THSD4: variants seen among roughly 807,000 people sequenced by gnomAD.
THSD4 encodes thrombospondin type 1 domain containing 4, also known as thrombospondin type-1 domain-containing protein 4.
Under a neutral mutation model 119.0 loss-of-function variants are expected in THSD4, and 69 were observed. That is an observed-to-expected ratio of 0.58 (90% CI 0.48 to 0.71). The LOEUF (loss-of-function observed/expected upper bound fraction) is 0.71. THSD4 is among the 30% of genes least tolerant of loss of function. The probability of loss-of-function intolerance (pLI) is 0.00; values close to 1 mark genes in which losing one functional copy is unlikely to be tolerated. For missense variants in THSD4, 1,393 were observed against 1,391.1 expected, an observed-to-expected ratio of 1.00 and a Z score of -0.02; for synonymous variants, 524 against 540.4, an observed-to-expected ratio of 0.97 and a Z score of 0.42.
At chr15:71,393,889 C>T (rs2046410279) in intron 6 of THSD4, among the ~76,000 whole-genome samples, 1 of 152,080 alleles carries the variant, frequency 6.6e-6, no homozygotes, top group Non-Finnish European at 1.5e-5. Flanking sequence ...AGTCTTCCTG[C>T]TCCAAGGTTC....
At chr15:71,361,915 A>G (rs1303592365) in intron 6 of THSD4, among the ~76,000 whole-genome samples, 1 of 152,254 alleles carries the variant, frequency 6.6e-6, no homozygotes, top group Non-Finnish European at 1.5e-5. Context: ...AAATAAATAT[A>G]CATACATATT....
At chr15:71,487,063 C>A (rs2047833747) in intron 7 of THSD4, among the ~76,000 whole-genome samples, 1 of 152,156 alleles carries the variant, frequency 6.6e-6, no homozygotes, top group Non-Finnish European at 1.5e-5. Flanking sequence ...ATTAAAACTG[C>A]ATTAAAATCC....
In THSD4 at chr15:71,747,495, C is replaced by T. The variant is rs188143770; in HGVS notation, c.2241+453C>T. 5.9e-5 allele frequency among the ~76,000 whole-genome samples: 9 copies of T among 152,314 alleles called. No homozygotes were observed. In the South Asian group the frequency reaches 1.0e-3, roughly 18 times the overall value. ...CAATGTAAGGATCAGCCCAAGAAGA[C>T]ACACGAACAACGTTGGACATGTTCC... is the stretch of plus-strand genomic sequence containing the variant. On this transcript the variant is annotated intron_variant, in intron 13 of 17. Coordinates refer to ENST00000261862, the MANE Select transcript of THSD4 (RefSeq NM_024817.3).
At chr15:71,466,157 G>A (rs1194833798) in intron 7 of THSD4, among the ~76,000 whole-genome samples, 1 of 151,948 alleles carries the variant, frequency 6.6e-6, no homozygotes, top group Non-Finnish European at 1.5e-5. Flanking sequence ...AGACCATCCT[G>A]GCTAACATGG....
At chr15:71,328,799 G>T (rs1269070488) in intron 6 of THSD4, among the ~76,000 whole-genome samples, 2 of 152,182 alleles carry the variant, frequency 1.3e-5, no homozygotes, top group Non-Finnish European at 2.9e-5. Flanking sequence ...AAAAGTTATG[G>T]CCCTCTGCAG....
intron 6 of THSD4, among the ~76,000 whole-genome samples, chr15:71,374,286 A>G (rs1026456560): frequency 1.3e-5 from 2 of 152,188 alleles, no homozygotes; most frequent in African/African-American, 2.4e-5. Flanking sequence ...CATGAAGTCG[A>G]TATCTTCATT....
chr15:71,198,072 T>C (rs34611317), intron 3 of THSD4, among the ~76,000 whole-genome samples: 28,229 of 152,038 alleles, frequency 0.19, 3,170 homozygotes, highest in East Asian at 0.54. Context: ...CTGGACAATA[T>C]AGTGAGACCC....
At chr15:71,123,763 G>A (rs751428043) in intron 1 of THSD4, among the ~76,000 whole-genome samples, 10 of 152,190 alleles carry the variant, frequency 6.6e-5, no homozygotes, top group Non-Finnish European at 1.0e-4. Flanking sequence ...GGAAGAGGGA[G>A]AAAGGAAGTA....
At chr15:71,338,053 A>G (rs757255623) in intron 6 of THSD4, among the ~76,000 whole-genome samples, 2 of 152,202 alleles carry the variant, frequency 1.3e-5, no homozygotes, top group Admixed American at 6.5e-5. Flanking sequence ...TCCCTGTTCT[A>G]TCATTAAACT....
At chr15:71,326,688 A>T (rs1323807983) in intron 6 of THSD4, among the ~76,000 whole-genome samples, 2 of 20,150 alleles carry the variant, frequency 9.9e-5, no homozygotes, top group African/African-American at 1.8e-4. Flanking sequence ...AAAAAAAAAA[A>T]AAAAAAAAAA....
At chr15:71,134,203 G>A (rs1424665979) in intron 1 of THSD4, among the ~76,000 whole-genome samples, 1 of 152,246 alleles carries the variant, frequency 6.6e-6, no homozygotes, top group African/African-American at 2.4e-5. Context: ...CCAAGGACAT[G>A]TTGGGGGAAC....
At chr15:71,565,933 C>T (rs1315441583) in intron 7 of THSD4, among the ~76,000 whole-genome samples, 1 of 152,082 alleles carries the variant, frequency 6.6e-6, no homozygotes. Context: ...TCTCTATGAC[C>T]TCATGAAGGA....
At chr15:71,406,423 A>G (rs1391093972) in intron 6 of THSD4, among the ~76,000 whole-genome samples, 1 of 152,116 alleles carries the variant, frequency 6.6e-6, no homozygotes, top group Non-Finnish European at 1.5e-5. Flanking sequence ...TCTTCTATAG[A>G]TGTCTCAGTC....
intron 6 of THSD4, among the ~76,000 whole-genome samples, chr15:71,389,560 T>C (rs772471601): frequency 6.6e-6 from 1 of 152,100 alleles, no homozygotes; most frequent in Non-Finnish European, 1.5e-5. Flanking sequence ...TGATTGCTTC[T>C]ACCTTTTGGT....
At chr15:71,571,061 G>A (rs1384279233) in intron 7 of THSD4, among the ~76,000 whole-genome samples, 1 of 152,184 alleles carries the variant, frequency 6.6e-6, no homozygotes, top group Non-Finnish European at 1.5e-5. Context: ...AACTCCCTAT[G>A]AGCCTGAGGT....
At chr15:71,431,227 C>T (rs1269666808) in intron 7 of THSD4, among the ~76,000 whole-genome samples, 1 of 152,122 alleles carries the variant, frequency 6.6e-6, no homozygotes, top group African/African-American at 2.4e-5. Flanking sequence ...TATCATAATC[C>T]TTAATCAGTT....
At chr15:71,601,435 G>T (rs575381572) in intron 7 of THSD4, among the ~76,000 whole-genome samples, 104 of 152,300 alleles carry the variant, frequency 6.8e-4, no homozygotes, top group African/African-American at 2.4e-3. Context: ...AGACAAGGGG[G>T]CAGAAAACTG....
At chr15:71,709,150 G>A (rs1156244811) in intron 8 of THSD4, among the ~76,000 whole-genome samples, 2 of 152,242 alleles carry the variant, frequency 1.3e-5, no homozygotes, top group Non-Finnish European at 2.9e-5. Flanking sequence ...TGGAAAACGG[G>A]ATTGGAATAA....
chr15:71,180,010 G>A (rs1250105643), intron 3 of THSD4, among the ~76,000 whole-genome samples: 4 of 102,986 alleles, frequency 3.9e-5, no homozygotes, highest in African/African-American at 7.7e-5. Flanking sequence ...GGGGAGGGGG[G>A]AGGGATAGCA....
Sources: allele counts gnomAD v4.1 joint callset (sites outside exome capture counted in the v4.1 genomes callset), GRCh38; gene constraint gnomAD v4.1.1; transcripts MANE v1.5; gene names NCBI Gene and HGNC (gene_info 2026-07-23, HGNC 2026-07-21).